Variants in TRIOBP observed in about 807,000 individuals in gnomAD.
TRIOBP encodes the protein TRIO and F-actin-binding protein.
Under a neutral mutation model 238.8 loss-of-function variants are expected in TRIOBP, and 169 were observed. The ratio of observed to expected loss-of-function variants is 0.71; its 90% CI spans 0.62 to 0.80. The LOEUF is 0.80. TRIOBP is among the 30% of genes least tolerant of loss of function. TRIOBP has a pLI of 0.00. For synonymous variants in TRIOBP, 1,150 were observed against 1,274.4 expected (o/e 0.90, Z 2.08); for missense variants, 2,838 against 3,122.6 (o/e 0.91, Z 2.17).
chr22:37,740,796 T>G, intron 10 of TRIOBP, 99 bp from the exon 11 acceptor site: 1 of 1,518,160 alleles, frequency 6.6e-7, no homozygotes, highest in Non-Finnish European at 8.9e-7. Flanking sequence ...TGGGGCTCCA[T>G]GGTGGGGGGC....
chr22:37,719,989 C>CACACTGCACTCACTTTTTCACTCAT (rs367687004), intron 6 of TRIOBP, among the ~76,000 whole-genome samples: 2 of 71,208 alleles, frequency 2.8e-5, no homozygotes, highest in Non-Finnish European at 5.1e-5. Flanking sequence ...TTTCACTCAT[C>CACACTGCACTCACTTTTTCACTCAT]CCCCCCCGCC....
intron 17 of TRIOBP, 95 bp from the exon 18 acceptor site, chr22:37,765,575 G>A (rs939514090): frequency 4.6e-6 from 7 of 1,512,222 alleles, no homozygotes; most frequent in Admixed American, 3.9e-5. Context: ...AGGAGGTGGT[G>A]TACCTGCCCC....
rs1236829997 is a variant in TRIOBP at position 37,715,622 on chromosome 22, C to A, written c.457-141C>A. On this transcript the variant is annotated intron_variant, in intron 5 of 23. Coordinates refer to ENST00000644935, the MANE Select transcript of TRIOBP (RefSeq NM_001039141.3). ...CCTCCCAAAGTGCTGGGATTGCAGGCGTGAGCCACAGCGCCTGGCCAGGGA... is the reference window on the plus strand; with the variant it reads ...CCTCCCAAAGTGCTGGGATTGCAGGAGTGAGCCACAGCGCCTGGCCAGGGA... 12 of 930,480 alleles carry A rather than the reference C, an allele frequency of 1.3e-5. No individual in the cohort carries two copies. The Admixed American group carries it at 2.4e-4, about 19-fold the overall frequency. The allele number at this position is 930,480 out of a possible 1,614,324, so 57.6% of individuals were successfully genotyped here.
At chr22:37,703,662 G>A (rs151262941) in intron 3 of TRIOBP, among the ~76,000 whole-genome samples, 10 of 151,820 alleles carry the variant, frequency 6.6e-5, no homozygotes, top group South Asian at 2.1e-4. Context: ...CCGGCACCAC[G>A]CCCAGCTAAT....
chr22:37,714,086 A>G (rs1381900195), intron 5 of TRIOBP, among the ~76,000 whole-genome samples: 2 of 152,206 alleles, frequency 1.3e-5, no homozygotes, highest in African/African-American at 4.8e-5. Context: ...CAGCCTCAGA[A>G]GTGGAGATTT....
intron 11 of TRIOBP, chr22:37,750,547 TGGAAGACG>T: frequency 2.3e-6 from 1 of 437,930 alleles, no homozygotes; most frequent in Admixed American, 2.5e-5. Context: ...CCGTCTCAGG[TGGAAGACG>T]GGGTGGGCAG....
chr22:37,749,508 C>T (rs903943826), intron 11 of TRIOBP, among the ~76,000 whole-genome samples: 6 of 151,980 alleles, frequency 3.9e-5, no homozygotes, highest in African/African-American at 7.3e-5. Context: ...CCAGTACTCC[C>T]GAAAGGCGGA....
At chr22:37,757,525 G>T in intron 15 of TRIOBP, 88 bp from the exon 16 acceptor site, 2 of 1,517,440 alleles carry the variant, frequency 1.3e-6, no homozygotes, top group Non-Finnish European at 8.8e-7. Flanking sequence ...CTGGCACAGG[G>T]CCTGGCACAC....
At chr22:37,715,685 C>T (rs1923474163) in intron 5 of TRIOBP, 78 bp from the exon 6 acceptor site, 2 of 1,513,880 alleles carry the variant, frequency 1.3e-6, no homozygotes, top group Non-Finnish European at 9.0e-7. Context: ...CTTCCTTCTG[C>T]CCCTCTCATT....
chr22:37,716,338 C>T (rs888435566), intron 6 of TRIOBP, among the ~76,000 whole-genome samples: 1 of 151,954 alleles, frequency 6.6e-6, no homozygotes, highest in African/African-American at 2.4e-5. Flanking sequence ...TCTCAAACTC[C>T]CAACCTTCAG....
intron 5 of TRIOBP, among the ~76,000 whole-genome samples, 171 bp downstream of exon 5, chr22:37,713,582 T>G (rs375802497): frequency 4.8e-4 from 72 of 151,556 alleles, no homozygotes; most frequent in Middle Eastern, 6.8e-3. Flanking sequence ...CCCTGGAGAG[T>G]GGGGATTTCT....
At chr22:37,701,064 T>C (rs1482300817) in intron 2 of TRIOBP, among the ~76,000 whole-genome samples, 1 of 152,188 alleles carries the variant, frequency 6.6e-6, no homozygotes, top group African/African-American at 2.4e-5. Context: ...TCAGCAACAC[T>C]GCAGTAAGGA....
rs1924175778 is a variant in TRIOBP, at chr22:37,726,522, T to A, written c.3947+19T>A. The A allele has an allele frequency of 1.4e-6, 2 of 1,460,558 alleles. No homozygotes were observed. Among genetic ancestry groups the A allele is most frequent in the African/African-American group, 2.8e-5 (2 of 70,912 alleles). The allele number at this position is 1,460,558 out of a possible 1,614,324, so 90.5% of individuals were successfully genotyped here. A position where few individuals can be genotyped will look rare whatever the true frequency, so the allele number is the denominator to read the frequency against. ...AGCGCAGGTGAGCCCGGGGGTGGGG[T>A]CAGCCAGGTGGGCTGGGGAGGAGGC... On this transcript the variant is annotated intron_variant, in intron 7 of 23. Coordinates refer to ENST00000644935, the MANE Select transcript of TRIOBP (RefSeq NM_001039141.3).
chr22:37,723,682 G>A lies in TRIOBP; in HGVS notation c.1126G>A (p.Glu376Lys), dbSNP rs1923951296. ...TSFPTCTPQR[E>K]NPRTPCVQQD... ...TTTTCCTACTTGTACTCCCCAGCGG[G>A]AAAACCCCAGGACACCCTGTGTCCA... The change falls in exon 7 of 24, where the codon GAA becomes AAA. Residue 376 changes from glutamate (E) to lysine (K), a missense_variant. Transcript: ENST00000644935. 3 of 1,613,486 alleles carry A rather than the reference G, an allele frequency of 1.9e-6. No homozygotes were observed. Among genetic ancestry groups the A allele is most frequent in the African/African-American group, 2.7e-5 (2 of 74,752 alleles).
intron 4 of TRIOBP, 152 bp downstream of exon 4, chr22:37,710,718 G>A: frequency 9.1e-7 from 1 of 1,095,202 alleles, no homozygotes; most frequent in Non-Finnish European, 1.3e-6. Context: ...ACAGGTGGGT[G>A]GTGGGCATGC....
intron 3 of TRIOBP, among the ~76,000 whole-genome samples, chr22:37,702,987 C>CT (rs60933253): frequency 6.6e-6 from 1 of 151,410 alleles, no homozygotes; most frequent in African/African-American, 2.4e-5. Flanking sequence ...AAGAAGAATC[C>CT]TTTTTTTTCT....
At chr22:37,699,487 T>C (rs1205020346) in intron 2 of TRIOBP, among the ~76,000 whole-genome samples, 1 of 152,078 alleles carries the variant, frequency 6.6e-6, no homozygotes, top group African/African-American at 2.4e-5. Context: ...TGATCTACAA[T>C]GCAGCTATAA....
At chr22:37,747,686 G>A (rs1467745464) in intron 11 of TRIOBP, among the ~76,000 whole-genome samples, 1 of 152,222 alleles carries the variant, frequency 6.6e-6, no homozygotes, top group African/African-American at 2.4e-5. Flanking sequence ...CTTGCCCACC[G>A]GGTGCCTGCC....
chr22:37,746,333 C>T (rs915286676), intron 11 of TRIOBP: 4 of 1,150,268 alleles, frequency 3.5e-6, no homozygotes, highest in African/African-American at 3.3e-5. Flanking sequence ...GCGGCGGCGG[C>T]GGGGTTCCCG....
Sources: allele counts gnomAD v4.1 joint callset (sites outside exome capture counted in the v4.1 genomes callset), GRCh38; gene constraint gnomAD v4.1.1; transcripts MANE v1.5; gene names NCBI Gene and HGNC (gene_info 2026-07-23, HGNC 2026-07-21).